Variants in NPM1 observed in about 807,000 individuals in gnomAD.
The protein encoded by NPM1 is nucleophosmin.
A neutral mutation model predicts 44.1 loss-of-function variants in NPM1; 1 was observed. The ratio of observed to expected loss-of-function variants is 0.02; its 90% CI spans 0.01 to 0.11. The LOEUF is 0.11. Ranked by LOEUF, NPM1 falls within the 10% of genes least tolerant of loss-of-function variation. The probability of loss-of-function intolerance (pLI) is 1.00; values close to 1 mark genes in which losing one functional copy is unlikely to be tolerated. For missense variants in NPM1, 197 were observed against 347.8 expected (o/e 0.57, Z 3.45); for synonymous variants, 126 against 111.8 (o/e 1.13, Z -0.80).
At position 171,392,724 on chromosome 5, in the gene NPM1, G is replaced by C. The variant is rs1366001140; in HGVS notation, c.367G>C (p.Ala123Pro). Residue 123 changes from alanine to proline, a missense_variant, in exon 5 of 11, where the codon GCA (alanine) becomes CCA (proline). Ala to Pro is a conservative substitution (Grantham distance 27). Transcript: ENST00000296930. ...GQHLVAVEED[A>P]ESEDEEEEDV... ...TTGTATTTTAGCTGTGGAGGAAGAT[G>C]CAGAGTCAGAAGATGAAGAGGAGGA... 6.2e-7 allele frequency: 1 copy of C among 1,609,788 alleles called. No individual in the cohort carries two copies. Among genetic ancestry groups the C allele is most frequent in the Non-Finnish European group, 8.5e-7 (1 of 1,176,772 alleles).
intron 10 of NPM1, 113 bp downstream of exon 10, chr5:171,407,887 A>T (rs544848663): frequency 3.1e-5 from 20 of 649,722 alleles, no homozygotes; most frequent in Middle Eastern, 5.0e-4. Context: ...CTAACCACAG[A>T]TAATATTTCA....
At chr5:171,395,855 T>C (rs970384061) in intron 6 of NPM1, among the ~76,000 whole-genome samples, 1 of 152,178 alleles carries the variant, frequency 6.6e-6, no homozygotes, top group African/African-American at 2.4e-5. Flanking sequence ...GGCTATGTAA[T>C]GTGCATAGTG....
At chr5:171,406,359 C>T (rs1771567729) in intron 9 of NPM1, 1 of 1,572,218 alleles carries the variant, frequency 6.4e-7, no homozygotes, top group Non-Finnish European at 8.7e-7. Context: ...CCCTCCCCTC[C>T]ATTTTAATAT....
intron 9 of NPM1, among the ~76,000 whole-genome samples, chr5:171,406,034 GAAT>G (rs1771542854): frequency 6.6e-6 from 1 of 152,124 alleles, no homozygotes; most frequent in African/African-American, 2.4e-5. Flanking sequence ...GTAGGATATG[GAAT>G]AAATGGTTTA....
rs374517078 is a variant in NPM1 at position 171,405,339 on chromosome 5, A to C, written c.707A>C (p.Lys236Thr). The C allele has an allele frequency of 2.5e-6, 4 of 1,596,392 alleles. No individual in the cohort carries two copies. The African/African-American group carries it at 5.4e-5, about 21-fold the overall frequency. ...TTCAAGAAACAGGAAAAAACTCCTA[A>C]AACACCAAAAGGACCTAGTTCTGTA... ...ESFKKQEKTP[K>T]TPKGPSSVED... The change falls in exon 9 of 11, where the codon AAA becomes ACA. Residue 236 changes from lysine to threonine, a missense_variant. Lys to Thr is a moderately conservative substitution (Grantham distance 78). Transcript: ENST00000296930.
intron 1 of NPM1, among the ~76,000 whole-genome samples, chr5:171,388,864 A>AG (rs961080771): frequency 2.0e-5 from 3 of 152,202 alleles, no homozygotes; most frequent in African/African-American, 7.2e-5. Context: ...CACTTAACGA[A>AG]GGTTGTACTT....
intron 6 of NPM1, among the ~76,000 whole-genome samples, chr5:171,397,837 A>T (rs1426620306): frequency 1.5e-5 from 2 of 132,458 alleles, no homozygotes; most frequent in Non-Finnish European, 3.1e-5. Flanking sequence ...TCTGTTGCCC[A>T]GGCTTGAGTG....
At chr5:171,396,177 C>T (rs940663501) in intron 6 of NPM1, among the ~76,000 whole-genome samples, 6 of 152,018 alleles carry the variant, frequency 3.9e-5, no homozygotes, top group Non-Finnish European at 8.8e-5. Context: ...GATGGGGTTT[C>T]GCCATGTTGG....
intron 4 of NPM1, 30 bp downstream of exon 4, chr5:171,391,829 A>C (rs1262023633): frequency 7.2e-7 from 1 of 1,381,488 alleles, no homozygotes; most frequent in South Asian, 1.2e-5. Context: ...TATACTACTT[A>C]GTTTGTCCTC....
intron 6 of NPM1, among the ~76,000 whole-genome samples, chr5:171,396,118 TA>T (rs1770869863): frequency 6.6e-6 from 1 of 152,124 alleles, no homozygotes; most frequent in Admixed American, 6.5e-5. Flanking sequence ...TAGCTGGGAT[TA>T]CAGGCATGTG....
In NPM1 at chr5:171,392,797, G is replaced by T; in HGVS notation, c.440G>T (p.Gly147Val). 6.2e-7 allele frequency: 1 copy of T among 1,613,782 alleles called. No homozygotes were observed. Among genetic ancestry groups the T allele is most frequent in the Non-Finnish European group, 8.5e-7 (1 of 1,179,802 alleles). ...TCTGGAAAGCGGTCTGCCCCTGGAGGTGGTAGCAAGGTTCCACAGGTAGAG... is the reference window on the plus strand; with the variant it reads ...TCTGGAAAGCGGTCTGCCCCTGGAGTTGGTAGCAAGGTTCCACAGGTAGAG... ...SISGKRSAPGGGSKVPQKKVK... is the reference protein window; with the variant it reads ...SISGKRSAPGVGSKVPQKKVK... The change falls in exon 5 of 11, where the codon GGT (glycine) becomes GTT (valine). Residue 147 changes from glycine to valine, a missense_variant. Gly to Val is a moderately radical substitution (Grantham distance 109). Transcript: ENST00000296930.
At chr5:171,395,524 T>C (rs1304778061) in intron 6 of NPM1, among the ~76,000 whole-genome samples, 1 of 152,106 alleles carries the variant, frequency 6.6e-6, no homozygotes, top group Non-Finnish European at 1.5e-5. Flanking sequence ...GGTCTCGAAC[T>C]CCAAAGTGCT....
chr5:171,404,508 G>A (rs1234898286), intron 8 of NPM1, among the ~76,000 whole-genome samples: 1 of 69,616 alleles, frequency 1.4e-5, no homozygotes, highest in Non-Finnish European at 2.9e-5. Context: ...GGGCGGCGGG[G>A]CAGAGGCGCT....
chr5:171,389,352 C>G (rs1292834013), intron 1 of NPM1, among the ~76,000 whole-genome samples: 1 of 152,176 alleles, frequency 6.6e-6, no homozygotes, highest in East Asian at 1.9e-4. Flanking sequence ...TTTATTCTGA[C>G]AGTGTTTTGA....
chr5:171,408,068 A>C (rs921774009), intron 10 of NPM1, among the ~76,000 whole-genome samples: 1 of 151,330 alleles, frequency 6.6e-6, no homozygotes, highest in Admixed American at 6.6e-5. Context: ...GGTTAAGGAA[A>C]TTGCTGTGGT....
intron 6 of NPM1, among the ~76,000 whole-genome samples, chr5:171,393,676 T>A (rs1018954250): frequency 6.6e-6 from 1 of 152,262 alleles, no homozygotes; most frequent in East Asian, 1.9e-4. Flanking sequence ...TTGGTCCATA[T>A]GCATTTATTG....
chr5:171,400,303 G>A (rs2113230953), intron 7 of NPM1, 93 bp downstream of exon 7: 1 of 775,254 alleles, frequency 1.3e-6, no homozygotes, highest in Non-Finnish European at 1.8e-6. Context: ...AAGGGAAGCT[G>A]GTGTGGGAGA....
chr5:171,389,806 A>AGTAC (rs1770478746), intron 1 of NPM1, among the ~76,000 whole-genome samples: 1 of 152,230 alleles, frequency 6.6e-6, no homozygotes, highest in Non-Finnish European at 1.5e-5. Context: ...GCAGAATAAC[A>AGTAC]GTACCTATCA....
intron 1 of NPM1, among the ~76,000 whole-genome samples, chr5:171,389,220 C>T (rs1017886063): frequency 9.9e-5 from 15 of 152,188 alleles, no homozygotes; most frequent in African/African-American, 3.4e-4. Flanking sequence ...GCAAATCCTA[C>T]CGTGAATTTT....
Sources: gnomAD v4.1 joint callset for allele counts (sites outside exome capture counted in the v4.1 genomes callset) on GRCh38, gnomAD v4.1.1 for gene constraint, MANE v1.5 for transcripts, NCBI Gene and HGNC (gene_info 2026-07-23, HGNC 2026-07-21) for gene names.